The following SUN3 variants were observed in gnomAD, a reference collection of about 807,000 sequenced individuals.
The protein encoded by SUN3 is Sad1 and UNC84 domain containing 3, also known as SUN domain-containing protein 3.
In SUN3, 36 loss-of-function variants were observed where a neutral mutation model predicts 48.2. The observed-to-expected ratio is 0.75, with a 90% CI of 0.57 to 0.99. The LOEUF (loss-of-function observed/expected upper bound fraction) is 0.99. Ranked by LOEUF, SUN3 falls within the 50% of genes least tolerant of loss-of-function variation. The pLI, the probability that SUN3 is intolerant of heterozygous loss-of-function variation, is 0.00. For synonymous variants in SUN3, 148 were observed against 147.9 expected (o/e 1.00, Z 0.00); for missense variants, 419 against 433.1 (o/e 0.97, Z 0.29).
intron 1 of SUN3, among the ~76,000 whole-genome samples, chr7:48,027,698 C>A (rs370458955): frequency 7.2e-5 from 11 of 152,108 alleles, no homozygotes; most frequent in African/African-American, 2.4e-4. Context: ...GCTTATCTAC[C>A]CTACATAAAG....
intron 2 of SUN3, among the ~76,000 whole-genome samples, chr7:48,022,346 T>A (rs888340329): frequency 6.6e-6 from 1 of 152,246 alleles, no homozygotes; most frequent in African/African-American, 2.4e-5. Context: ...TAAGACGTAC[T>A]ATTTGACAAC....
intron 1 of SUN3, 141 bp downstream of exon 1, chr7:48,028,676 A>C (rs896841125): frequency 3.3e-5 from 37 of 1,119,548 alleles, no homozygotes; most frequent in Non-Finnish European, 4.5e-5. Context: ...GAAACCTTCA[A>C]AGGAAACTAT....
upstream of SUN3, among the ~76,000 whole-genome samples, chr7:48,031,697 T>C (rs1048114583): frequency 2.0e-5 from 3 of 152,156 alleles, no homozygotes; most frequent in Non-Finnish European, 2.9e-5. Context: ...CACTTCTGGG[T>C]ATATATATCC....
intron 2 of SUN3, among the ~76,000 whole-genome samples, chr7:48,018,036 C>G (rs1337053764): frequency 6.6e-6 from 1 of 152,150 alleles, no homozygotes; most frequent in Non-Finnish European, 1.5e-5. Context: ...TACTAGGAAG[C>G]AGAGAACGTA....
chr7:48,018,622 C>CA (rs773631964), intron 2 of SUN3: 242 of 103,774 alleles, frequency 2.3e-3, no homozygotes, highest in Middle Eastern at 9.6e-3. Context: ...GATTCCATCC[C>CA]AAAAAAAAAA....
intron 2 of SUN3, among the ~76,000 whole-genome samples, chr7:48,025,554 T>C (rs1790111210): frequency 6.6e-6 from 1 of 152,116 alleles, no homozygotes; most frequent in African/African-American, 2.4e-5. Context: ...TCACCTAAAT[T>C]TAGAAAAGGT....
chr7:48,002,190 C>T (rs544438011), intron 6 of SUN3, among the ~76,000 whole-genome samples: 1,454 of 98,144 alleles, frequency 0.015, 16 homozygotes, highest in Middle Eastern at 0.12. Flanking sequence ...GACGGAGTCT[C>T]GCTCTGTCGC....
rs758663087 is a variant in SUN3, at chr7:47,996,030, C to A, written c.693+1G>T. 8.2e-6 allele frequency: 12 copies of A among 1,457,524 alleles called. No individual in the cohort carries two copies. Among genetic ancestry groups the A allele is most frequent in the Middle Eastern group, 1.8e-4 (1 of 5,598 alleles). 90.3% of individuals were successfully genotyped at this position (1,457,524 alleles called of 1,614,324 possible). ...ATAAGTGATTCTTAATTTAGCTTTA[C>A]CTGAAGAATAATATCTGGAGGCATT... On this transcript the variant is annotated splice_donor_variant, in intron 7 of 9. Coordinates refer to ENST00000297325, the MANE Select transcript of SUN3 (RefSeq NM_001030019.2). LOFTEE classifies it high-confidence loss of function.
At chr7:48,003,240 T>C (rs1322393168) in intron 6 of SUN3, among the ~76,000 whole-genome samples, 1 of 152,178 alleles carries the variant, frequency 6.6e-6, no homozygotes, top group Non-Finnish European at 1.5e-5. Context: ...TGTGTGGCCT[T>C]ATTTCTGGGT....
chr7:48,024,503 G>GA (rs1322084095), intron 2 of SUN3, among the ~76,000 whole-genome samples: 1 of 151,954 alleles, frequency 6.6e-6, no homozygotes, highest in Admixed American at 6.5e-5. Flanking sequence ...AAAAAAAAAG[G>GA]AAAAAAATGA....
intron 3 of SUN3, among the ~76,000 whole-genome samples, chr7:48,013,390 G>C (rs1305974737): frequency 6.6e-6 from 1 of 152,144 alleles, no homozygotes; most frequent in East Asian, 1.9e-4. Flanking sequence ...CCATTATCCT[G>C]TTCTCCATGG....
At position 47,996,192 on chromosome 7, in the gene SUN3, A is replaced by T. The variant is rs781363797; in HGVS notation, c.578-46T>A. On this transcript the variant is annotated intron_variant, in intron 6 of 9. Coordinates refer to ENST00000297325, the MANE Select transcript of SUN3 (RefSeq NM_001030019.2). ...GTAAAATAAAGAAACAACATACACAATTCAAAACACATCATTTGAATTTTA... is the reference window on the plus strand; with the variant it reads ...GTAAAATAAAGAAACAACATACACATTTCAAAACACATCATTTGAATTTTA... The T allele has an allele frequency of 3.5e-5, 36 of 1,024,782 alleles. 1 individual carries two copies. In the South Asian group the frequency reaches 5.6e-4, roughly 16 times the overall value. The allele number at this position is 1,024,782 out of a possible 1,614,324, so 63.5% of individuals were successfully genotyped here.
intron 1 of SUN3, among the ~76,000 whole-genome samples, chr7:48,027,565 A>G (rs1254835200): frequency 6.6e-6 from 1 of 152,252 alleles, no homozygotes; most frequent in Non-Finnish European, 1.5e-5. Flanking sequence ...ATAAAGTATT[A>G]CAAGTTGGCA....
At chr7:48,014,803 G>A (rs1789767683) in intron 3 of SUN3, among the ~76,000 whole-genome samples, 1 of 152,158 alleles carries the variant, frequency 6.6e-6, no homozygotes. Context: ...ATGATTGCAG[G>A]GGCTAAGTCT....
At chr7:47,996,805 T>C (rs904071563) in intron 6 of SUN3, among the ~76,000 whole-genome samples, 3 of 147,980 alleles carry the variant, frequency 2.0e-5, no homozygotes, top group African/African-American at 5.0e-5. Context: ...TTTCCTTCTT[T>C]TTTTTTTTTT....
chr7:48,015,889 A>G (rs1390144047), intron 3 of SUN3, among the ~76,000 whole-genome samples: 1 of 152,204 alleles, frequency 6.6e-6, no homozygotes, highest in East Asian at 1.9e-4. Flanking sequence ...CTGAAACAAA[A>G]TTGATAACAG....
At chr7:47,995,701 ATGAC>A (rs1208503440) in intron 7 of SUN3, among the ~76,000 whole-genome samples, 1 of 152,230 alleles carries the variant, frequency 6.6e-6, no homozygotes, top group Admixed American at 6.5e-5. Context: ...TGTTTGTTGA[ATGAC>A]TGAAGTTTTC....
upstream of SUN3, among the ~76,000 whole-genome samples, chr7:48,029,424 A>G (rs1790223877): frequency 6.6e-6 from 1 of 152,220 alleles, no homozygotes; most frequent in Non-Finnish European, 1.5e-5. Context: ...GATATACTCT[A>G]TTCTCATTAT....
chr7:48,024,169 C>T (rs895160978), intron 2 of SUN3, among the ~76,000 whole-genome samples: 6 of 152,102 alleles, frequency 3.9e-5, no homozygotes, highest in African/African-American at 1.2e-4. Flanking sequence ...CAATATGACA[C>T]CCTCAAAATT....
Sources: gnomAD v4.1 joint callset for allele counts (sites outside exome capture counted in the v4.1 genomes callset) on GRCh38, gnomAD v4.1.1 for gene constraint, MANE v1.5 for transcripts, NCBI Gene and HGNC (gene_info 2026-07-23, HGNC 2026-07-21) for gene names.